Variants in CCL2 observed in about 807,000 individuals in gnomAD.
CCL2 encodes the protein C-C motif chemokine ligand 2, also known as C-C motif chemokine 2.
A neutral mutation model predicts 6.7 loss-of-function variants in CCL2; 2 were observed. The observed-to-expected ratio is 0.30, with a 90% confidence interval of 0.12 to 0.94. The LOEUF is 0.94. Among genes scored for constraint, CCL2 ranks in the 40% least tolerant of loss-of-function variants. The pLI, the probability that CCL2 is intolerant of heterozygous loss-of-function variation, is 0.54. For synonymous variants in CCL2, 43 were observed against 45.2 expected (o/e 0.95, Z 0.19); for missense variants, 89 against 119.3 (o/e 0.75, Z 1.18).
chr17:34,256,680 C>T (rs777751609), intron 2 of CCL2, 42 bp from the exon 3 acceptor site: 52 of 1,423,262 alleles, frequency 3.7e-5, no homozygotes, highest in Non-Finnish European at 4.6e-5. Flanking sequence ...TAGACCAAAA[C>T]TGCAAAGGAA....
rs1598083626 is a variant in CCL2, at chr17:34,256,719, C to T, written c.195-3C>T. 6.2e-7 allele frequency: 1 copy of T among 1,607,142 alleles called. No individual in the cohort carries two copies. The highest frequency in any genetic ancestry group is 8.5e-7 in the Non-Finnish European group (1 of 1,174,696). ...CATCTAACTCTGTCCTCCCTCCCCA[C>T]AGCTTCAAGACCATTGTGGCCAAGG... is the stretch of plus-strand genomic sequence containing the variant. On this transcript the variant is annotated splice_region_variant and splice_polypyrimidine_tract_variant and intron_variant, in intron 2 of 2. Transcript: ENST00000225831.
chr17:34,256,169 C>G, intron 1 of CCL2, 53 bp from the exon 2 acceptor site: 5 of 1,219,772 alleles, frequency 4.1e-6, no homozygotes, highest in South Asian at 3.8e-5. Flanking sequence ...CTCTTAAGAT[C>G]AGAATAATCC....
At position 34,255,353 on chromosome 17, in the gene CCL2, A is replaced by C; in HGVS notation, c.4A>C (p.Lys2Gln). M[K>Q]VSAALLCLLL... is the part of the protein sequence containing the mutation. ...AGCTCGCACTCTCGCCTCCAGCATG[A>C]AAGTCTCTGCCGCCCTTCTGTGCCT... Residue 2 changes from lysine (K) to glutamine (Q), a missense_variant, in exon 1 of 3, where the codon AAA (lysine) becomes CAA (glutamine). Transcript: ENST00000225831. 1 of 1,613,856 alleles carries C rather than the reference A, an allele frequency of 6.2e-7. No homozygotes were observed. The highest frequency in any genetic ancestry group is 1.3e-5 in the African/African-American group (1 of 74,998).
intron 2 of CCL2, 92 bp downstream of exon 2, chr17:34,256,431 A>G (rs912946382): frequency 7.0e-6 from 6 of 857,438 alleles, no homozygotes; most frequent in South Asian, 1.5e-5. Context: ...AGAGTGCACT[A>G]TTTAACTTAA....
chr17:34,256,665 A>C (rs916307229), intron 2 of CCL2, 57 bp from the exon 3 acceptor site: 4 of 1,244,196 alleles, frequency 3.2e-6, no homozygotes, highest in Admixed American at 3.6e-5. Context: ...AATGGGCTGC[A>C]CTTCTAGACC....
chr17:34,256,238 A>G lies in CCL2; in HGVS notation c.93A>G (p.Pro31=), dbSNP rs746076530. The change falls in exon 2 of 3, where the codon CCA becomes CCG. Residue 31 remains proline, a synonymous_variant. Transcript: ENST00000225831. The part of the protein sequence containing the change: ...GLAQPDAINA[P]VTCCYNFTNR... ...ATTTTCCAGATGCAATCAATGCCCC[A>G]GTCACCTGCTGTTATAACTTCACCA... The G allele has an allele frequency of 1.7e-5, 28 of 1,610,532 alleles. No individual in the cohort carries two copies. Among genetic ancestry groups the G allele is most frequent in the Non-Finnish European group, 2.2e-5 (26 of 1,177,064 alleles).
chr17:34,256,398 A>G (rs1053478963), intron 2 of CCL2, 59 bp downstream of exon 2: 2 of 1,134,488 alleles, frequency 1.8e-6, no homozygotes, highest in Non-Finnish European at 2.7e-6. Flanking sequence ...AGCAAGGGAC[A>G]AGCCTCATAA....
intron 1 of CCL2, 140 bp downstream of exon 1, chr17:34,255,565 T>C (rs1210675652): frequency 1.5e-6 from 1 of 672,100 alleles, no homozygotes; most frequent in East Asian, 2.9e-5. Flanking sequence ...GGACAAGGGG[T>C]GAGCCCAACC....
chr17:34,255,475 T>A (rs28730833), intron 1 of CCL2, 50 bp downstream of exon 1: 19,794 of 1,467,604 alleles, frequency 0.013, 238 homozygotes, highest in South Asian at 0.039. Context: ...CTCTCTGAGT[T>A]ATCATGGACC....
At chr17:34,255,898 C>T in intron 1 of CCL2, 1 of 290,106 alleles carries the variant, frequency 3.4e-6, no homozygotes, top group South Asian at 6.4e-5. Flanking sequence ...TAGTGGGGCT[C>T]CCCAGCTGAT....
At position 34,256,959 on chromosome 17, in the gene CCL2, T is replaced by C. The variant is rs1286993933; in HGVS notation, c.*132T>C. The C allele has an allele frequency of 1.7e-6, 1 of 575,082 alleles. No homozygotes were observed. The highest frequency in any genetic ancestry group is 2.9e-5 in the East Asian group (1 of 34,728). 35.6% of individuals were successfully genotyped at this position (575,082 alleles called of 1,614,324 possible). ...ACATTATGCCTTAAGTAATGTTAAT[T>C]CTTATTTAAGTTATTGATGTTTTAA... On this transcript the variant is annotated 3_prime_UTR_variant, in exon 3 of 3. Transcript: ENST00000225831.
In CCL2 at chr17:34,255,449, T is replaced by G. The variant is rs774058988; in HGVS notation, c.76+24T>G. On this transcript the variant is annotated intron_variant, in intron 1 of 2. Coordinates refer to ENST00000225831, the MANE Select transcript of CCL2 (RefSeq NM_002982.4). ...AGGTAAGGCCCCCTCTTCTTCTCCT[T>G]GAACCACATTGTCTTCTCTCTGAGT... 3 of 1,584,780 alleles carry G rather than the reference T, an allele frequency of 1.9e-6. No homozygotes were observed. The African/African-American group carries it at 4.0e-5, about 21-fold the overall frequency.
At position 34,255,321 on chromosome 17, in the gene CCL2, A is replaced by G. The variant is rs1177669066; in HGVS notation, c.-29A>G. 6 of 1,608,276 alleles carry G rather than the reference A, an allele frequency of 3.7e-6. No homozygotes were observed. The African/African-American group carries it at 4.0e-5, about 11-fold the overall frequency. On this transcript the variant is annotated 5_prime_UTR_variant, in exon 1 of 3. Coordinates refer to ENST00000225831, the MANE Select transcript of CCL2 (RefSeq NM_002982.4). ...ACTAACCCAGAAACATCCAATTCTC[A>G]AACTGAAGCTCGCACTCTCGCCTCC...
chr17:34,255,678 A>C, intron 1 of CCL2: 1 of 463,550 alleles, frequency 2.2e-6, no homozygotes, highest in Non-Finnish European at 3.8e-6. Flanking sequence ...CAGCGCAGTT[A>C]CTCCCCCAGC....
At position 34,256,188 on chromosome 17, in the gene CCL2, C is replaced by T. The variant is rs758795760; in HGVS notation, c.77-34C>T. ...TAAGATCAGAATAATCCAGTTCATCCTAAAATGCTTTTTCTTTGTGGTTTA... is the reference window on the plus strand; with the variant it reads ...TAAGATCAGAATAATCCAGTTCATCTTAAAATGCTTTTTCTTTGTGGTTTA... On this transcript the variant is annotated intron_variant, in intron 1 of 2. Transcript: ENST00000225831. 6.3e-6 allele frequency: 9 copies of T among 1,417,856 alleles called. No individual in the cohort carries two copies. In the South Asian group the frequency reaches 1.0e-4, roughly 16 times the overall value. The allele number at this position is 1,417,856 out of a possible 1,614,324, so 87.8% of individuals were successfully genotyped here.
At chr17:34,256,642 C>A in intron 2 of CCL2, 80 bp from the exon 3 acceptor site, 1 of 952,224 alleles carries the variant, frequency 1.1e-6, no homozygotes, top group Non-Finnish European at 1.7e-6. Flanking sequence ...CCCATGGCAG[C>A]CCTTTGGTGC....
At chr17:34,255,998 T>C (rs936325346) in intron 1 of CCL2, 2 of 478,112 alleles carry the variant, frequency 4.2e-6, no homozygotes, top group Admixed American at 7.0e-5. Flanking sequence ...CTTCTCTCTG[T>C]CCATTATCAA....
rs1267256599 is a variant in CCL2 at position 34,256,908 on chromosome 17, T to A, written c.*81T>A. 2 of 786,028 alleles carry A rather than the reference T, an allele frequency of 2.5e-6. No individual in the cohort carries two copies. The highest frequency in any genetic ancestry group is 2.5e-5 in the Admixed American group (1 of 39,216). 48.7% of individuals were successfully genotyped at this position (786,028 alleles called of 1,614,324 possible). A position where few individuals can be genotyped will look rare whatever the true frequency, so the allele number is the denominator to read the frequency against. On this transcript the variant is annotated 3_prime_UTR_variant, in exon 3 of 3. Coordinates refer to ENST00000225831, the MANE Select transcript of CCL2 (RefSeq NM_002982.4). ...CCAGACACCCTGTTTTATTTTATTA[T>A]AATGAATTTTGTTTGTTGATGTGAA...
At chr17:34,256,524 C>G (rs1055603156) in intron 2 of CCL2, 185 bp downstream of exon 2, 1 of 616,966 alleles carries the variant, frequency 1.6e-6, no homozygotes, top group Non-Finnish European at 2.9e-6. Context: ...GGTGCCTATT[C>G]AGAACACCCC....
Sources: allele counts gnomAD v4.1 joint callset, GRCh38; gene constraint gnomAD v4.1.1; transcripts MANE v1.5; gene names NCBI Gene and HGNC (gene_info 2026-07-23, HGNC 2026-07-21).